AGBL1: variants seen among roughly 807,000 people sequenced by gnomAD.
AGBL1 encodes cytosolic carboxypeptidase 4.
AGBL1 carries 130 observed loss-of-function variants against 118.9 expected under a neutral mutation model. The ratio of observed to expected loss-of-function variants is 1.09; its 90% CI spans 0.95 to 1.26. The LOEUF (loss-of-function observed/expected upper bound fraction) is 1.26. Ranked by LOEUF, AGBL1 falls within the 50% of genes most tolerant of loss-of-function variation. The pLI is 0.00. For missense variants in AGBL1, 1,584 were observed against 1,298.1 expected (o/e 1.22, Z -3.38); for synonymous variants, 555 against 478.9 (o/e 1.16, Z -2.08).
At chr15:86,736,036 T>C (rs2077592275) in intron 22 of AGBL1, among the ~76,000 whole-genome samples, 1 of 152,130 alleles carries the variant, frequency 6.6e-6, no homozygotes, top group Non-Finnish European at 1.5e-5. Context: ...TGCAGCAAGG[T>C]CTATGACCTC....
At chr15:86,462,543 G>C (rs909240523) in intron 18 of AGBL1, among the ~76,000 whole-genome samples, 3 of 151,820 alleles carry the variant, frequency 2.0e-5, no homozygotes, top group Non-Finnish European at 4.4e-5. Flanking sequence ...CCATCAACTC[G>C]TCATCTACAT....
intron 5 of AGBL1, among the ~76,000 whole-genome samples, chr15:86,165,026 A>G (rs1176948504): frequency 2.6e-5 from 4 of 152,130 alleles, no homozygotes; most frequent in Non-Finnish European, 5.9e-5. Context: ...TCATGCTATG[A>G]TTTATCTCTT....
In AGBL1 at chr15:86,924,232, C is replaced by T. The variant is rs16978087; in HGVS notation, c.3222-63755C>T. Among the ~76,000 whole-genome samples the T allele has an allele frequency of 0.01, 1,558 of 152,302 alleles. 73 individuals are homozygous for T. The East Asian group carries it at 0.13, about 12-fold the overall frequency. Reference sequence around the variant, plus strand: ...ATCACGATAGATTGGCTGGTAAGTGCCACACACAAGTTCTGCCTGAAAGGA... The same window carrying T: ...ATCACGATAGATTGGCTGGTAAGTGTCACACACAAGTTCTGCCTGAAAGGA... On this transcript the variant is annotated intron_variant, in intron 23 of 24. Transcript: ENST00000441037.
intron 24 of AGBL1, among the ~76,000 whole-genome samples, chr15:87,004,235 T>G (rs934135285): frequency 1.3e-5 from 2 of 152,158 alleles, no homozygotes; most frequent in African/African-American, 4.8e-5. Context: ...CCAGTAGTCA[T>G]TCAGGAGCAG....
chr15:86,586,914 G>A (rs1408087088), intron 21 of AGBL1, among the ~76,000 whole-genome samples: 1 of 152,022 alleles, frequency 6.6e-6, no homozygotes, highest in African/African-American at 2.4e-5. Flanking sequence ...TGAAAAGTAG[G>A]CCACAATATA....
chr15:86,332,375 A>G (rs1230786751), intron 17 of AGBL1, among the ~76,000 whole-genome samples: 1 of 152,116 alleles, frequency 6.6e-6, no homozygotes, highest in African/African-American at 2.4e-5. Context: ...GGCCAGGCGC[A>G]GTGGCTCACG....
In AGBL1 at chr15:86,410,838, ATAT is replaced by A. The variant is rs1567242881; in HGVS notation, c.2555+13293_2555+13295del. ...TATATATATATATATATATATATAT[ATAT>A]AATATACTATTTTATATATAAAATA... On this transcript the variant is annotated intron_variant, in intron 18 of 22. Coordinates refer to ENST00000614907, the MANE Select transcript of AGBL1 (RefSeq NM_001386094.1). 4.3e-4 allele frequency among the ~76,000 whole-genome samples: 44 copies of A among 102,484 alleles called. 2 individuals carry two copies. Among genetic ancestry groups the A allele is most frequent in the African/African-American group, 1.9e-3 (42 of 22,646 alleles). The allele number at this position is 102,484 out of a possible 152,430, so 67.2% of individuals were successfully genotyped here. A position where few individuals can be genotyped will look rare whatever the true frequency, so the allele number is the denominator to read the frequency against.
intron 6 of AGBL1, among the ~76,000 whole-genome samples, chr15:86,228,961 C>T (rs1023202237): frequency 6.6e-6 from 1 of 152,092 alleles, no homozygotes; most frequent in African/African-American, 2.4e-5. Flanking sequence ...ATCCAAATCC[C>T]GTGCCTTTCC....
chr15:86,224,809 C>A, intron 5 of AGBL1, 105 bp from the exon 6 acceptor site: 1 of 1,044,612 alleles, frequency 9.6e-7, no homozygotes, highest in Non-Finnish European at 1.5e-6. Context: ...CCTGGTTAAT[C>A]ATGGGTCTGT....
chr15:86,938,766 CA>C (rs2080710353), intron 23 of AGBL1: 1 of 152,144 alleles, frequency 6.6e-6, no homozygotes, highest in Non-Finnish European at 1.5e-5. Flanking sequence ...TCCTCTAGTT[CA>C]GGGTATGTAA....
chr15:86,829,890 C>T (rs1224630548), intron 22 of AGBL1, among the ~76,000 whole-genome samples: 1 of 152,058 alleles, frequency 6.6e-6, no homozygotes, highest in African/African-American at 2.4e-5. Context: ...ATCTTTAGCA[C>T]CCTGGCCTAA....
rs1182192038 is a variant in AGBL1, at chr15:86,852,802, G to A, written c.3159-54285G>A. Among the ~76,000 whole-genome samples, 6 of 152,122 alleles carry A rather than the reference G, an allele frequency of 3.9e-5. No individual in the cohort carries two copies. The East Asian group carries it at 9.7e-4, about 24-fold the overall frequency. ...AGATCCCTTATCTCCTACCTAGAAG[G>A]CATCTTGCCTATTGCAAAGGTTTGA... On this transcript the variant is annotated intron_variant, in intron 22 of 22. Transcript: ENST00000614907.
At chr15:86,102,301 C>T (rs745335135) in intron 1 of AGBL1, among the ~76,000 whole-genome samples, 10 of 152,072 alleles carry the variant, frequency 6.6e-5, no homozygotes, top group Non-Finnish European at 8.8e-5. Context: ...TCGGCCTCCC[C>T]AATTGCTGGG....
At chr15:86,261,326 G>A (rs2142024662) in intron 9 of AGBL1, among the ~76,000 whole-genome samples, 1 of 152,260 alleles carries the variant, frequency 6.6e-6, no homozygotes, top group South Asian at 2.1e-4. Flanking sequence ...GGGGGTGAAG[G>A]CAAGCAGGAA....
chr15:86,663,568 A>AG (rs1201000804), intron 21 of AGBL1, among the ~76,000 whole-genome samples: 4 of 151,946 alleles, frequency 2.6e-5, no homozygotes, highest in Admixed American at 2.0e-4. Context: ...AGCAAAGGGG[A>AG]GGGAGGCAGG....
At chr15:86,129,739 T>A (rs1354841446) in intron 1 of AGBL1, among the ~76,000 whole-genome samples, 2 of 152,114 alleles carry the variant, frequency 1.3e-5, no homozygotes, top group African/African-American at 4.8e-5. Flanking sequence ...ATTAAAAAAA[T>A]AATTATCTGC....
chr15:86,087,112 G>A (rs759891394), intron 1 of AGBL1, among the ~76,000 whole-genome samples: 1 of 152,170 alleles, frequency 6.6e-6, no homozygotes, highest in Non-Finnish European at 1.5e-5. Flanking sequence ...GAAAGCACTG[G>A]ATATTACTCC....
At chr15:86,794,979 A>C (rs1284814113) in intron 22 of AGBL1, among the ~76,000 whole-genome samples, 2 of 152,262 alleles carry the variant, frequency 1.3e-5, no homozygotes, top group Admixed American at 1.3e-4. Flanking sequence ...CACCTGTCAA[A>C]AGCAAGAAAA....
intron 18 of AGBL1, among the ~76,000 whole-genome samples, chr15:86,508,420 G>C (rs1465706410): frequency 6.6e-6 from 1 of 152,018 alleles, no homozygotes; most frequent in Non-Finnish European, 1.5e-5. Flanking sequence ...TGTGCTTTAG[G>C]TAAAGAAATT....
Sources: allele counts gnomAD v4.1 joint callset (sites outside exome capture counted in the v4.1 genomes callset), GRCh38; gene constraint gnomAD v4.1.1; transcripts MANE v1.5; gene names NCBI Gene and HGNC (gene_info 2026-07-23, HGNC 2026-07-21).